Variants in ENPP6 observed in about 807,000 individuals in gnomAD.
The protein encoded by ENPP6 is glycerophosphocholine cholinephosphodiesterase ENPP6.
ENPP6 carries 32 observed loss-of-function variants against 42.0 expected under a neutral mutation model. The ratio of observed to expected loss-of-function variants is 0.76; its 90% CI spans 0.58 to 1.02. ENPP6 has a LOEUF of 1.02. Ranked by LOEUF, ENPP6 falls within the 50% of genes least tolerant of loss-of-function variation. The pLI, the probability that ENPP6 is intolerant of heterozygous loss-of-function variation, is 0.00. For synonymous variants in ENPP6, 213 were observed against 216.0 expected, an observed-to-expected ratio of 0.99 and a Z score of 0.12; for missense variants, 552 against 566.8, an observed-to-expected ratio of 0.97 and a Z score of 0.27.
intron 3 of ENPP6, among the ~76,000 whole-genome samples, 180 bp from the exon 4 acceptor site, chr4:184,118,080 C>T (rs942597753): frequency 1.3e-5 from 2 of 152,214 alleles, no homozygotes; most frequent in African/African-American, 4.8e-5. Context: ...ACACACTGAA[C>T]CAAGAATTGC....
intron 1 of ENPP6, among the ~76,000 whole-genome samples, chr4:184,199,327 T>C (rs570866995): frequency 1.3e-5 from 2 of 151,970 alleles, no homozygotes; most frequent in Non-Finnish European, 2.9e-5. Flanking sequence ...CAGGCAGGGG[T>C]TGAAGTGGGC....
At chr4:184,174,100 G>C (rs1448772505) in intron 1 of ENPP6, among the ~76,000 whole-genome samples, 3 of 151,118 alleles carry the variant, frequency 2.0e-5, no homozygotes, top group Non-Finnish European at 1.5e-5. Flanking sequence ...TTACTAAATA[G>C]TGAAAAAGCA....
chr4:184,142,772 G>C (rs895837970), intron 2 of ENPP6, among the ~76,000 whole-genome samples: 22 of 152,244 alleles, frequency 1.4e-4, no homozygotes, highest in African/African-American at 5.3e-4. Flanking sequence ...GCTTCAGGGA[G>C]GCAGATGGTG....
chr4:184,124,072 C>G, intron 3 of ENPP6, 89 bp downstream of exon 3: 1 of 1,023,708 alleles, frequency 9.8e-7, no homozygotes, highest in Non-Finnish European at 1.5e-6. Context: ...TATTTCATCT[C>G]CACAAAGCCC....
chr4:184,159,310 T>C (rs1345315822), intron 1 of ENPP6, among the ~76,000 whole-genome samples: 1 of 152,186 alleles, frequency 6.6e-6, no homozygotes, highest in Non-Finnish European at 1.5e-5. Flanking sequence ...TATCCAACAA[T>C]AGTAATGCAT....
intron 2 of ENPP6, among the ~76,000 whole-genome samples, chr4:184,130,032 T>C (rs1736567813): frequency 6.6e-6 from 1 of 152,132 alleles, no homozygotes; most frequent in South Asian, 2.1e-4. Context: ...CCCTTGTGGG[T>C]AGGAATTGTC....
rs770076580 is a variant in ENPP6 at position 184,097,365 on chromosome 4, G to A, written c.997C>T (p.Arg333Ter). 1 of 1,613,924 alleles carries A rather than the reference G, an allele frequency of 6.2e-7. No individual in the cohort carries two copies. Among genetic ancestry groups the A allele is most frequent in the East Asian group, 2.2e-5 (1 of 44,884 alleles). Residue 333 changes from arginine (R) to a stop codon, truncating the protein, a stop_gained, in exon 7 of 8, where the codon CGA becomes TGA. Coordinates refer to ENST00000296741, the MANE Select transcript of ENPP6 (RefSeq NM_153343.4). LOFTEE classifies it high-confidence loss of function. ...ADEGWFITEN[R>*]EMLPFWMNST... is the part of the protein sequence containing the mutation. ...TTCATCCAAAACGGAAGCATCTCTC[G>A]ATTCTGAAACCAAGCAAGGCAGACA...
At position 184,094,267 on chromosome 4, in the gene ENPP6, A is replaced by G. The variant is rs140486828; in HGVS notation, c.1118-2885T>C. Among the ~76,000 whole-genome samples the G allele has an allele frequency of 4.3e-3, 660 of 152,364 alleles. 9 individuals are homozygous for G. Among genetic ancestry groups the G allele is most frequent in the African/African-American group, 0.015 (615 of 41,578 alleles). The stretch of plus-strand genomic sequence containing the variant: ...ACTCCAGCCTCGATGACAGAGAAAG[A>G]CCATCTCTAAAAAACAAAACAAAAC... On this transcript the variant is annotated intron_variant, in intron 7 of 7. Coordinates refer to ENST00000296741, the MANE Select transcript of ENPP6 (RefSeq NM_153343.4).
chr4:184,194,643 GTCT>G (rs2111110196), intron 1 of ENPP6, among the ~76,000 whole-genome samples: 2 of 152,356 alleles, frequency 1.3e-5, no homozygotes, highest in African/African-American at 4.8e-5. Context: ...CTGGTGAGAA[GTCT>G]TCTTCCCAGA....
At chr4:184,158,353 C>T (rs954215588) in intron 1 of ENPP6, among the ~76,000 whole-genome samples, 3 of 151,286 alleles carry the variant, frequency 2.0e-5, no homozygotes, top group Non-Finnish European at 2.9e-5. Flanking sequence ...TGTCGAACCA[C>T]AAAAATGGCT....
intron 2 of ENPP6, among the ~76,000 whole-genome samples, chr4:184,147,836 A>G (rs1736955185): frequency 6.7e-6 from 1 of 150,004 alleles, no homozygotes; most frequent in African/African-American, 2.4e-5. Context: ...TGGCTCTTAG[A>G]GCCTGGCCTG....
In ENPP6 at chr4:184,150,341, A is replaced by G. The variant is rs577433611; in HGVS notation, c.421+3213T>C. The stretch of plus-strand genomic sequence containing the variant: ...AATTGCACTTCTAAATATTGACTTA[A>G]TGGCGAAACTCAGCGTGTCATAACC... On this transcript the variant is annotated intron_variant, in intron 2 of 7. Transcript: ENST00000296741. Among the ~76,000 whole-genome samples the G allele has an allele frequency of 2.0e-5, 3 of 152,246 alleles. No homozygotes were observed. The South Asian group carries it at 6.2e-4, about 32-fold the overall frequency.
Position 184,124,181 on chromosome 4 carries a change from G to A in ENPP6, c.513C>T (p.Ser171=), listed in dbSNP as rs763687998. 8.1e-6 allele frequency: 13 copies of A among 1,613,596 alleles called. No homozygotes were observed. The highest frequency in any genetic ancestry group is 5.0e-5 in the Admixed American group (3 of 59,986). ...PTDINFANAV[S]DALDSFKSGR... The stretch of plus-strand genomic sequence containing the variant: ...CTTACTTGAAGGAGTCAAGAGCATC[G>A]CTGACTGCATTGGCAAAATTGATAT... The change falls in exon 3 of 8, where the codon AGC becomes AGT. Residue 171 remains serine, a synonymous_variant. Transcript: ENST00000296741.
At position 184,097,296 on chromosome 4, in the gene ENPP6, A is replaced by T. The variant is rs773603390; in HGVS notation, c.1066T>A (p.Tyr356Asn). 1.3e-5 allele frequency: 21 copies of T among 1,614,214 alleles called. No individual in the cohort carries two copies. The highest frequency in any genetic ancestry group is 1.8e-5 in the Non-Finnish European group (21 of 1,180,030). Residue 356 changes from tyrosine to asparagine, a missense_variant, in exon 7 of 8, where the codon TAC (tyrosine) becomes AAC (asparagine). By Grantham distance (143) the Tyr-to-Asn change is moderately radical. This residue lies in a region of ENPP6 where 545 missense variants were observed against 546.3 expected (regional missense o/e 1.00). Transcript: ENST00000296741. ...REGWQRGWHGYDNELMDMRGI... is the reference protein window; with the variant it reads ...REGWQRGWHGNDNELMDMRGI... ...CGCATGTCCATGAGCTCGTTGTCGT[A>T]GCCGTGCCATCCACGCTGCCAACCT...
intron 2 of ENPP6, among the ~76,000 whole-genome samples, chr4:184,143,849 A>T (rs1459732382): frequency 6.6e-6 from 1 of 152,212 alleles, no homozygotes. Flanking sequence ...GAAGTTCCTC[A>T]AGTGCTCCAG....
At chr4:184,186,499 G>A (rs1297847176) in intron 1 of ENPP6, among the ~76,000 whole-genome samples, 1 of 152,160 alleles carries the variant, frequency 6.6e-6, no homozygotes, top group Admixed American at 6.6e-5. Flanking sequence ...ATAAGGACCA[G>A]GCTCTGAGGA....
chr4:184,119,876 T>C (rs1736386393), intron 3 of ENPP6, among the ~76,000 whole-genome samples: 1 of 152,208 alleles, frequency 6.6e-6, no homozygotes, highest in Non-Finnish European at 1.5e-5. Context: ...TGCTTTCCCT[T>C]CTGCCATGAT....
chr4:184,200,283 G>A (rs553344430), intron 1 of ENPP6, among the ~76,000 whole-genome samples: 4 of 152,298 alleles, frequency 2.6e-5, no homozygotes, highest in South Asian at 2.1e-4. Flanking sequence ...TCCCAAGGAC[G>A]TCCGGACCCA....
At chr4:184,198,831 G>C (rs1313882357) in intron 1 of ENPP6, among the ~76,000 whole-genome samples, 1 of 152,164 alleles carries the variant, frequency 6.6e-6, no homozygotes, top group Non-Finnish European at 1.5e-5. Context: ...TAGGCAACAA[G>C]ATGTCTGTGT....
Sources: allele counts gnomAD v4.1 joint callset (sites outside exome capture counted in the v4.1 genomes callset), GRCh38; gene constraint gnomAD v4.1.1; regional missense constraint gnomAD v4.1.1; transcripts MANE v1.5; gene names NCBI Gene and HGNC (gene_info 2026-07-23, HGNC 2026-07-21).